Variants in TSHZ2 observed in about 807,000 individuals in gnomAD.
TSHZ2 encodes the protein teashirt zinc finger homeobox 2.
TSHZ2 carries 21 observed loss-of-function variants against 74.4 expected under a neutral mutation model. The ratio of observed to expected loss-of-function variants is 0.28; its 90% CI spans 0.20 to 0.41. The LOEUF (loss-of-function observed/expected upper bound fraction) is 0.41. TSHZ2 is among the 10% of genes least tolerant of loss of function. The pLI is 1.00. For missense variants in TSHZ2, 1,244 were observed against 1,293.5 expected (o/e 0.96, Z 0.59); for synonymous variants, 540 against 515.3 (o/e 1.05, Z -0.65).
At chr20:53,424,707 G>A (rs1217508537) in intron 2 of TSHZ2, among the ~76,000 whole-genome samples, 2 of 152,058 alleles carry the variant, frequency 1.3e-5, no homozygotes, top group Admixed American at 1.3e-4. Flanking sequence ...TATTTTTCCT[G>A]ATGCTCTTCC....
At chr20:53,048,545 AG>A (rs1984313243) in intron 1 of TSHZ2, among the ~76,000 whole-genome samples, 1 of 152,060 alleles carries the variant, frequency 6.6e-6, no homozygotes, top group Non-Finnish European at 1.5e-5. Flanking sequence ...GGAATGGAAA[AG>A]CTCCCTCTCC....
rs76891660 is a variant in TSHZ2 at position 53,072,896 on chromosome 20, A to G, written c.40+99563A>G. On this transcript the variant is annotated intron_variant, in intron 1 of 2. Coordinates refer to ENST00000371497, the MANE Select transcript of TSHZ2 (RefSeq NM_173485.6). ...ATCCATCCATCAATCCATTCATTCA[A>G]TCCTCCATTCCTTCATCCATCCATT... Among the ~76,000 whole-genome samples, 1,305 of 151,730 alleles carry G rather than the reference A, an allele frequency of 8.6e-3. 16 individuals carry two copies. The highest frequency in any genetic ancestry group is 0.03 in the African/African-American group (1,235 of 41,330).
In TSHZ2 at chr20:53,469,640, GGAAGGAAGGA is replaced by G. The variant is rs1568931969; in HGVS notation, c.*9-17503_*9-17494del. On this transcript the variant is annotated intron_variant, in intron 2 of 2. Transcript: ENST00000371497. ...AGAGAGGGAGGAAGGGAGGGAGGAAGGAAGGAAGGAAGGAAGGAAGGAAGGAAGGAAGGAA... is the reference window on the plus strand; with the variant it reads ...AGAGAGGGAGGAAGGGAGGGAGGAAGAGGAAGGAAGGAAGGAAGGAAGGAA... Among the ~76,000 whole-genome samples, 59 of 62,244 alleles carry G rather than the reference GGAAGGAAGGA, an allele frequency of 9.5e-4. 4 individuals are homozygous for G. The highest frequency in any genetic ancestry group is 3.6e-3 in the African/African-American group (54 of 15,122). 40.8% of individuals were successfully genotyped at this position (62,244 alleles called of 152,430 possible).
chr20:53,355,876 G>A (rs777934404), intron 2 of TSHZ2, among the ~76,000 whole-genome samples: 3 of 152,220 alleles, frequency 2.0e-5, no homozygotes, highest in Non-Finnish European at 4.4e-5. Flanking sequence ...TGCAAAGAGA[G>A]GTCTTGGCTG....
At chr20:53,386,098 A>G (rs894149798) in intron 2 of TSHZ2, among the ~76,000 whole-genome samples, 22 of 152,186 alleles carry the variant, frequency 1.4e-4, no homozygotes, top group African/African-American at 5.1e-4. Flanking sequence ...CAGTATTTAG[A>G]CAGAACTCAC....
At chr20:52,995,464 T>C (rs1458266542) in intron 1 of TSHZ2, among the ~76,000 whole-genome samples, 5 of 152,104 alleles carry the variant, frequency 3.3e-5, no homozygotes. Flanking sequence ...CAAAGCAAAA[T>C]CAAAGTGGCA....
chr20:53,150,798 A>C (rs1446936247), intron 1 of TSHZ2, among the ~76,000 whole-genome samples: 1 of 152,140 alleles, frequency 6.6e-6, no homozygotes, highest in Non-Finnish European at 1.5e-5. Context: ...CTTCATTTAA[A>C]AGCAAATAAG....
At chr20:53,104,389 G>A (rs552703957) in intron 1 of TSHZ2, among the ~76,000 whole-genome samples, 23 of 152,272 alleles carry the variant, frequency 1.5e-4, no homozygotes, top group African/African-American at 5.5e-4. Context: ...AAGAGCACTA[G>A]GAGCAATCCA....
At chr20:53,116,453 C>G (rs1347609262) in intron 1 of TSHZ2, among the ~76,000 whole-genome samples, 5 of 152,110 alleles carry the variant, frequency 3.3e-5, no homozygotes, top group Non-Finnish European at 7.4e-5. Flanking sequence ...CAACCTCGCT[C>G]ATTCTCTCTC....
At position 53,169,212 on chromosome 20, in the gene TSHZ2, T is replaced by C. The variant is rs1187194234; in HGVS notation, c.41-84287T>C. 2.0e-5 allele frequency among the ~76,000 whole-genome samples: 3 copies of C among 152,218 alleles called. No homozygotes were observed. In the East Asian group the frequency reaches 5.8e-4, roughly 29 times the overall value. ...TACTGCCCTTCATTAGGTTAAGAAA[T>C]TGAGAGTTGGTTCTCACCTTTCTGG... is the stretch of plus-strand genomic sequence containing the variant. On this transcript the variant is annotated intron_variant, in intron 1 of 2. Coordinates refer to ENST00000371497, the MANE Select transcript of TSHZ2 (RefSeq NM_173485.6).
At chr20:53,423,921 G>A (rs375508662) in intron 2 of TSHZ2, among the ~76,000 whole-genome samples, 6 of 152,308 alleles carry the variant, frequency 3.9e-5, no homozygotes, top group Admixed American at 6.5e-5. Context: ...TGCTGTTAGC[G>A]CCTACAGACT....
intron 2 of TSHZ2, among the ~76,000 whole-genome samples, chr20:53,294,512 TAAAGTC>T (rs1991340139): frequency 6.6e-6 from 1 of 152,160 alleles, no homozygotes; most frequent in South Asian, 2.1e-4. Context: ...AGTATTTTAT[TAAAGTC>T]AAGTCAAACC....
At chr20:52,975,643 A>G (rs13039372) in intron 1 of TSHZ2, among the ~76,000 whole-genome samples, 2 of 151,730 alleles carry the variant, frequency 1.3e-5, no homozygotes, top group Admixed American at 6.6e-5. Flanking sequence ...AGAAGCGGAA[A>G]CCCTTTTTAA....
At chr20:53,342,379 T>C (rs1427801609) in intron 2 of TSHZ2, among the ~76,000 whole-genome samples, 1 of 150,934 alleles carries the variant, frequency 6.6e-6, no homozygotes, top group Admixed American at 6.6e-5. Context: ...TCTCATTTAA[T>C]CCTCATATAA....
intron 2 of TSHZ2, among the ~76,000 whole-genome samples, chr20:53,323,563 CTTTTTTTT>C (rs34687825): frequency 8.2e-5 from 3 of 36,662 alleles, no homozygotes; most frequent in African/African-American, 1.2e-4. Context: ...CCTTGGAGGG[CTTTTTTTT>C]TTTTTTTTTT....
chr20:53,042,113 AG>A (rs1279185974), intron 1 of TSHZ2, among the ~76,000 whole-genome samples: 2 of 152,186 alleles, frequency 1.3e-5, no homozygotes, highest in Non-Finnish European at 2.9e-5. Context: ...ATGTTTCAAA[AG>A]CATATATATT....
chr20:53,458,495 C>A (rs1985208600), intron 2 of TSHZ2, among the ~76,000 whole-genome samples: 1 of 152,034 alleles, frequency 6.6e-6, no homozygotes. Context: ...TTTTGTTGAT[C>A]CTTTCAAAAA....
intron 1 of TSHZ2, chr20:53,196,612 C>T (rs963847429): frequency 1.3e-5 from 2 of 152,130 alleles, no homozygotes; most frequent in Non-Finnish European, 1.5e-5. Context: ...ACTATGATAC[C>T]TTGTTTCATG....
chr20:53,036,218 C>T (rs764192543), intron 1 of TSHZ2, among the ~76,000 whole-genome samples: 2 of 152,126 alleles, frequency 1.3e-5, no homozygotes, highest in Non-Finnish European at 2.9e-5. Flanking sequence ...GTTATTTATT[C>T]CTTGCTGAAA....
Sources: allele counts gnomAD v4.1 joint callset (sites outside exome capture counted in the v4.1 genomes callset), GRCh38; gene constraint gnomAD v4.1.1; transcripts MANE v1.5; gene names NCBI Gene and HGNC (gene_info 2026-07-23, HGNC 2026-07-21).